GPRC6A: variants seen among roughly 807,000 people sequenced by gnomAD.
GPRC6A encodes G protein-coupled receptor family C group 6 member A.
In GPRC6A, 54 loss-of-function variants were observed where a neutral mutation model predicts 47.0. The ratio of observed to expected loss-of-function variants is 1.15; its 90% CI spans 0.92 to 1.44. The LOEUF (loss-of-function observed/expected upper bound fraction) is 1.44, where lower values mean the gene tolerates loss of function less well. Among genes scored for constraint, GPRC6A ranks in the 40% most tolerant of loss-of-function variants. The pLI is 0.00. For missense variants in GPRC6A, 1,112 were observed against 1,105.5 expected, an observed-to-expected ratio of 1.01 and a Z score of -0.08; for synonymous variants, 347 against 377.1, an observed-to-expected ratio of 0.92 and a Z score of 0.93.
intron 3 of GPRC6A, 69 bp from the exon 4 acceptor site, chr6:116,800,865 T>A (rs1019897617): frequency 2.3e-6 from 2 of 873,990 alleles, no homozygotes; most frequent in Non-Finnish European, 3.7e-6. Context: ...ATTCTAATGA[T>A]AACACTGCCT....
Position 116,793,268 on chromosome 6 carries a change from C to T in GPRC6A, c.1673-18G>A, listed in dbSNP as rs145687861. 182 of 1,540,522 alleles carry T rather than the reference C, an allele frequency of 1.2e-4. No homozygotes were observed. Among genetic ancestry groups the T allele is most frequent in the African/African-American group, 3.9e-4 (28 of 72,424 alleles). On this transcript the variant is annotated intron_variant, in intron 5 of 5. Transcript: ENST00000310357. ...AGGCATATCTAAAAGACAGAGGAGACGCAGTTACATTGTCAACATTTAAAC... is the reference window on the plus strand; with the variant it reads ...AGGCATATCTAAAAGACAGAGGAGATGCAGTTACATTGTCAACATTTAAAC...
At chr6:116,800,391 C>CTT (rs1772632838) in intron 4 of GPRC6A, among the ~76,000 whole-genome samples, 193 bp downstream of exon 4, 2 of 138,826 alleles carry the variant, frequency 1.4e-5, no homozygotes, top group South Asian at 5.3e-4. Flanking sequence ...CTCTCTCTCT[C>CTT]TCTTTCTTTC....
chr6:116,797,261 A>G (rs947444201), intron 4 of GPRC6A, among the ~76,000 whole-genome samples: 11 of 152,054 alleles, frequency 7.2e-5, no homozygotes, highest in Admixed American at 2.6e-4. Flanking sequence ...TATGTGCCAC[A>G]TTTTCTTAAT....
At chr6:116,822,629 C>A (rs1409545067) in intron 1 of GPRC6A, among the ~76,000 whole-genome samples, 1 of 145,948 alleles carries the variant, frequency 6.9e-6, no homozygotes, top group African/African-American at 2.6e-5. Flanking sequence ...CCAAACACCG[C>A]ATATTCTCAC....
intron 1 of GPRC6A, among the ~76,000 whole-genome samples, chr6:116,812,802 A>G (rs1323735691): frequency 4.6e-5 from 7 of 152,212 alleles, no homozygotes; most frequent in Non-Finnish European, 1.0e-4. Flanking sequence ...CAATTAGGAA[A>G]TGAGGAAGTT....
rs141720453 is a variant in GPRC6A, at chr6:116,825,424, G to A, written c.194+3396C>T. On this transcript the variant is annotated intron_variant, in intron 1 of 5. Transcript: ENST00000310357. ...AATATCAATAGGATTTTTGTACACC[G>A]GTAGTGAAACAGGTGAAAAAGAAAT... Among the ~76,000 whole-genome samples the A allele has an allele frequency of 9.2e-4, 139 of 151,584 alleles. 2 individuals carry two copies. The East Asian group carries it at 0.011, about 12-fold the overall frequency.
rs781062631 is a variant in GPRC6A at position 116,792,488 on chromosome 6, G to A, written c.2435C>T (p.Ala812Val). The A allele has an allele frequency of 2.7e-5, 44 of 1,613,674 alleles. No individual in the cohort carries two copies. In the South Asian group the frequency reaches 4.8e-4, roughly 18 times the overall value. Residue 812 changes from alanine to valine, a missense_variant, in exon 6 of 6, where the codon GCT (alanine) becomes GTT (valine). Physicochemically the swap from Ala to Val is moderately conservative, Grantham distance 64. Transcript: ENST00000310357. ...YATTFGKYVP[A>V]VEIIVILISN... is the part of the protein sequence containing the mutation. Reference sequence around the variant, plus strand: ...TATTAATATGACAATAATCTCCACAGCTGGTACATATTTGCCAAATGTGGT... The same window carrying A: ...TATTAATATGACAATAATCTCCACAACTGGTACATATTTGCCAAATGTGGT...
intron 4 of GPRC6A, among the ~76,000 whole-genome samples, chr6:116,800,320 CTTTT>C (rs1183495525): frequency 8.6e-6 from 1 of 116,576 alleles, no homozygotes; most frequent in African/African-American, 3.2e-5. Flanking sequence ...TTCTTTCTTT[CTTTT>C]TTCCTTCCTT....
At chr6:116,808,719 A>G (rs537203741) in intron 2 of GPRC6A, among the ~76,000 whole-genome samples, 4 of 152,300 alleles carry the variant, frequency 2.6e-5, no homozygotes, top group South Asian at 2.1e-4. Context: ...TAAGATTAGA[A>G]ATCAGTGACG....
chr6:116,815,920 G>T (rs577598397), intron 1 of GPRC6A, among the ~76,000 whole-genome samples: 2 of 152,320 alleles, frequency 1.3e-5, no homozygotes, highest in East Asian at 3.9e-4. Flanking sequence ...TTGGCTCATG[G>T]TCCTGCAGGC....
chr6:116,808,730 TAG>T (rs1330993354), intron 2 of GPRC6A, among the ~76,000 whole-genome samples: 1 of 152,126 alleles, frequency 6.6e-6, no homozygotes, highest in Non-Finnish European at 1.5e-5. Context: ...ATCAGTGACG[TAG>T]AGAGTTACAA....
intron 4 of GPRC6A, among the ~76,000 whole-genome samples, chr6:116,799,142 G>A (rs1241401896): frequency 6.6e-6 from 1 of 152,162 alleles, no homozygotes. Flanking sequence ...AGTAGGTTGG[G>A]AGAGAATATC....
intron 1 of GPRC6A, among the ~76,000 whole-genome samples, chr6:116,817,325 T>G (rs1420774272): frequency 1.3e-5 from 2 of 151,638 alleles, no homozygotes; most frequent in Admixed American, 1.3e-4. Flanking sequence ...CAGCTGAGGG[T>G]CCTGTCTGTT....
At chr6:116,825,457 G>A (rs1311644949) in intron 1 of GPRC6A, among the ~76,000 whole-genome samples, 3 of 151,754 alleles carry the variant, frequency 2.0e-5, no homozygotes, top group Non-Finnish European at 2.9e-5. Context: ...AATCAAGAAA[G>A]CAATCCCATT....
Position 116,793,058 on chromosome 6 carries a change from G to A in GPRC6A, c.1865C>T (p.Pro622Leu), listed in dbSNP as rs1293854671. 6.2e-7 allele frequency: 1 copy of A among 1,613,722 alleles called. No individual in the cohort carries two copies. The highest frequency in any genetic ancestry group is 8.5e-7 in the Non-Finnish European group (1 of 1,179,814). The change falls in exon 6 of 6, where the codon CCT becomes CTT. Residue 622 changes from proline (P) to leucine (L), a missense_variant. Coordinates refer to ENST00000310357, the MANE Select transcript of GPRC6A (RefSeq NM_148963.4). Reference protein sequence around the residue: ...GIIFTRNLNTPVVKSSGGLRV... With the variant: ...GIIFTRNLNTLVVKSSGGLRV... The stretch of plus-strand genomic sequence containing the variant: ...TAATCCCCCGGATGATTTCACAACA[G>A]GTGTGTTCAGGTTTCTTGTAAATAT...
At chr6:116,796,833 G>A (rs948951491) in intron 4 of GPRC6A, among the ~76,000 whole-genome samples, 3 of 152,028 alleles carry the variant, frequency 2.0e-5, no homozygotes, top group African/African-American at 4.8e-5. Context: ...AACTTTTAAC[G>A]TATCTACTCT....
At chr6:116,825,052 ACT>A (rs1773636460) in intron 1 of GPRC6A, among the ~76,000 whole-genome samples, 1 of 152,026 alleles carries the variant, frequency 6.6e-6, no homozygotes, top group South Asian at 2.1e-4. Flanking sequence ...CATGATAAAA[ACT>A]CTCAACAAAC....
intron 1 of GPRC6A, among the ~76,000 whole-genome samples, chr6:116,822,819 C>G (rs1316192489): frequency 4.0e-5 from 6 of 148,690 alleles, no homozygotes; most frequent in South Asian, 2.1e-4. Context: ...ATGTAACTAA[C>G]CTGTACAATG....
chr6:116,825,379 T>C (rs1190038444), intron 1 of GPRC6A, among the ~76,000 whole-genome samples: 2 of 151,974 alleles, frequency 1.3e-5, no homozygotes, highest in Non-Finnish European at 2.9e-5. Context: ...ATAAACAAAT[T>C]CAGTAAAGTT....
Sources: allele counts gnomAD v4.1 joint callset (sites outside exome capture counted in the v4.1 genomes callset), GRCh38; gene constraint gnomAD v4.1.1; transcripts MANE v1.5; gene names NCBI Gene and HGNC (gene_info 2026-07-23, HGNC 2026-07-21).